The following NAALADL2 variants were observed in gnomAD, a reference collection of about 807,000 sequenced individuals.
NAALADL2 encodes the protein N-acetylated alpha-linked acidic dipeptidase like 2, also known as inactive N-acetylated-alpha-linked acidic dipeptidase-like protein 2.
In NAALADL2, 76 loss-of-function variants were observed where a neutral mutation model predicts 87.2. The ratio of observed to expected loss-of-function variants is 0.87; its 90% confidence interval spans 0.72 to 1.05. The LOEUF (loss-of-function observed/expected upper bound fraction) is 1.05. Ranked by LOEUF, NAALADL2 falls within the 50% of genes least tolerant of loss-of-function variation. The probability of loss-of-function intolerance (pLI) is 0.00; values close to 1 mark genes in which losing one functional copy is unlikely to be tolerated. For synonymous variants in NAALADL2, 354 were observed against 331.0 expected (o/e 1.07, Z -0.75); for missense variants, 1,089 against 945.8 (o/e 1.15, Z -1.99).
At chr3:175,613,288 A>G (rs1039026621) in intron 10 of NAALADL2, among the ~76,000 whole-genome samples, 3 of 152,194 alleles carry the variant, frequency 2.0e-5, no homozygotes, top group African/African-American at 7.2e-5. Context: ...AAAGATATCT[A>G]CTTGCTTACT....
chr3:174,827,097 A>T (rs2109352843), intron 3 of NAALADL2, among the ~76,000 whole-genome samples: 1 of 152,294 alleles, frequency 6.6e-6, no homozygotes, highest in East Asian at 1.9e-4. Flanking sequence ...TCGTTGGATG[A>T]AAATCCTGGA....
chr3:175,652,651 T>G (rs1730939239), intron 11 of NAALADL2, among the ~76,000 whole-genome samples: 1 of 151,938 alleles, frequency 6.6e-6, no homozygotes, highest in Non-Finnish European at 1.5e-5. Flanking sequence ...GCTAATTTTT[T>G]GTATTTTTAG....
intron 2 of NAALADL2, among the ~76,000 whole-genome samples, chr3:174,565,487 G>A (rs1026447128): frequency 5.9e-5 from 9 of 151,902 alleles, no homozygotes; most frequent in African/African-American, 1.9e-4. Context: ...TCTCCATGTC[G>A]TTTTATGGTT....
intron 3 of NAALADL2, among the ~76,000 whole-genome samples, chr3:175,236,206 A>G (rs1213356076): frequency 6.6e-6 from 1 of 152,086 alleles, no homozygotes; most frequent in Non-Finnish European, 1.5e-5. Flanking sequence ...ACCCTTCAAT[A>G]ACAATTTGTT....
intron 2 of NAALADL2, among the ~76,000 whole-genome samples, chr3:175,176,262 T>A (rs1382179148): frequency 6.6e-6 from 1 of 152,112 alleles, no homozygotes; most frequent in African/African-American, 2.4e-5. Context: ...ATCAGACAGA[T>A]GCATGGTCAT....
intron 3 of NAALADL2, among the ~76,000 whole-genome samples, chr3:174,841,446 C>T (rs909639222): frequency 2.6e-5 from 4 of 152,118 alleles, no homozygotes; most frequent in Non-Finnish European, 4.4e-5. Context: ...ATGTTGTTTT[C>T]GTTTAGTTAG....
chr3:175,276,393 A>G (rs745785110), intron 4 of NAALADL2, among the ~76,000 whole-genome samples: 1 of 146,040 alleles, frequency 6.8e-6, no homozygotes, highest in Non-Finnish European at 1.5e-5. Context: ...TCCACCTCCC[A>G]GGTTCAAACG....
At chr3:175,173,176 C>T (rs1316860214) in intron 2 of NAALADL2, among the ~76,000 whole-genome samples, 1 of 151,944 alleles carries the variant, frequency 6.6e-6, no homozygotes, top group African/African-American at 2.4e-5. Context: ...CCTGTAGTCC[C>T]AGCTACTCGG....
chr3:174,828,237 A>G (rs1003546514), intron 3 of NAALADL2, among the ~76,000 whole-genome samples: 3 of 152,046 alleles, frequency 2.0e-5, no homozygotes, highest in African/African-American at 7.3e-5. Flanking sequence ...GATTAGTCTT[A>G]TAGCACAGCA....
intron 12 of NAALADL2, among the ~76,000 whole-genome samples, chr3:175,738,237 A>C (rs183717421): frequency 9.5e-4 from 144 of 152,062 alleles, no homozygotes; most frequent in African/African-American, 3.2e-3. Context: ...AATAGCTGAA[A>C]ATTTAATTTT....
At chr3:175,293,196 T>C (rs1755886272) in intron 4 of NAALADL2, among the ~76,000 whole-genome samples, 1 of 152,136 alleles carries the variant, frequency 6.6e-6, no homozygotes, top group South Asian at 2.1e-4. Flanking sequence ...TTTATGTAAG[T>C]AGACAGGCTT....
chr3:175,472,085 TAAGCC>T (rs997105723), intron 9 of NAALADL2, among the ~76,000 whole-genome samples: 44 of 152,102 alleles, frequency 2.9e-4, no homozygotes, highest in African/African-American at 1.0e-3. Context: ...CATTTTATGA[TAAGCC>T]TGGTTACTTT....
At chr3:174,906,184 A>G (rs1174290568) in intron 1 of NAALADL2, among the ~76,000 whole-genome samples, 3 of 152,242 alleles carry the variant, frequency 2.0e-5, no homozygotes, top group East Asian at 1.9e-4. Context: ...TTTTAGAACT[A>G]TAAAAGAAAC....
intron 1 of NAALADL2, among the ~76,000 whole-genome samples, chr3:175,032,223 T>G (rs2108918400): frequency 6.6e-6 from 1 of 152,088 alleles, no homozygotes; most frequent in Non-Finnish European, 1.5e-5. Context: ...CTAGTTTTCT[T>G]GTAGGATTTT....
At chr3:175,024,455 G>C (rs1229184128) in intron 1 of NAALADL2, among the ~76,000 whole-genome samples, 1 of 152,036 alleles carries the variant, frequency 6.6e-6, no homozygotes, top group African/African-American at 2.4e-5. Flanking sequence ...ACCTGAAATA[G>C]GAGATACCTG....
intron 2 of NAALADL2, among the ~76,000 whole-genome samples, chr3:175,161,581 T>C (rs1733221112): frequency 6.6e-6 from 1 of 152,090 alleles, no homozygotes; most frequent in African/African-American, 2.4e-5. Flanking sequence ...CAGTAGTAGA[T>C]ATAGAGTCTG....
At chr3:175,340,141 T>G (rs1762422512) in intron 5 of NAALADL2, among the ~76,000 whole-genome samples, 1 of 152,164 alleles carries the variant, frequency 6.6e-6, no homozygotes, top group Admixed American at 6.5e-5. Context: ...GCTCAAAAAT[T>G]TATATTTTCA....
intron 5 of NAALADL2, among the ~76,000 whole-genome samples, chr3:175,418,759 A>G (rs1460403818): frequency 6.6e-6 from 1 of 152,082 alleles, no homozygotes; most frequent in African/African-American, 2.4e-5. Flanking sequence ...AGAGGAGCAC[A>G]TATCACAGTA....
intron 1 of NAALADL2, among the ~76,000 whole-genome samples, chr3:174,444,962 T>C (rs1345661429): frequency 2.0e-5 from 3 of 152,034 alleles, no homozygotes; most frequent in Admixed American, 1.3e-4. Context: ...TTGAGCAGTT[T>C]GACAAGATGG....
Sources: gnomAD v4.1 joint callset for allele counts (sites outside exome capture counted in the v4.1 genomes callset) on GRCh38, gnomAD v4.1.1 for gene constraint, MANE v1.5 for transcripts, NCBI Gene and HGNC (gene_info 2026-07-23, HGNC 2026-07-21) for gene names.